ALKAL1: variants seen among roughly 807,000 people sequenced by gnomAD.
ALKAL1 encodes ALK and LTK ligand 1.
In ALKAL1, 23 loss-of-function variants were observed where a neutral mutation model predicts 13.5. The observed-to-expected ratio is 1.70, with a 90% CI of 1.23 to 2.41. The LOEUF (loss-of-function observed/expected upper bound fraction) is 2.41, where lower values mean the gene tolerates loss of function less well. ALKAL1 is among the 30% of genes most tolerant of loss of function. ALKAL1 has a pLI of 0.00. For synonymous variants in ALKAL1, 85 were observed against 77.7 expected (o/e 1.09, Z -0.49); for missense variants, 181 against 178.4 (o/e 1.01, Z -0.08).
chr8:52,550,314 G>A (rs1445806294), intron 1 of ALKAL1, among the ~76,000 whole-genome samples: 1 of 152,094 alleles, frequency 6.6e-6, no homozygotes, highest in Non-Finnish European at 1.5e-5. Flanking sequence ...GCATCTTCTG[G>A]GAGCATGTTA....
chr8:52,562,071 T>C (rs1313126883), intron 1 of ALKAL1, among the ~76,000 whole-genome samples: 1 of 152,132 alleles, frequency 6.6e-6, no homozygotes, highest in East Asian at 1.9e-4. Flanking sequence ...TTCTTTCCTT[T>C]GGCAGGGTTT....
intron 1 of ALKAL1, among the ~76,000 whole-genome samples, chr8:52,549,829 C>G (rs1277361856): frequency 6.6e-6 from 1 of 152,022 alleles, no homozygotes; most frequent in African/African-American, 2.4e-5. Context: ...GCAATCCCAG[C>G]TACTCGAGAG....
In ALKAL1 at chr8:52,565,240, G is replaced by T; in HGVS notation, c.17C>A (p.Pro6His). MRPLK[P>H]GAPLPALFLL... ...GAAGAGTGCGGGCAAAGGGGCGCCG[G>T]GCTTAAGGGGCCGCATGTTCGCAAG... is the stretch of plus-strand genomic sequence containing the variant. The change falls in exon 1 of 5, where the codon CCC becomes CAC. Residue 6 changes from proline to histidine, a missense_variant. By Grantham distance (77) the Pro-to-His change is moderately conservative. Transcript: ENST00000358543. 1 of 1,316,702 alleles carries T rather than the reference G, an allele frequency of 7.6e-7. No individual in the cohort carries two copies. The highest frequency in any genetic ancestry group is 9.7e-7 in the Non-Finnish European group (1 of 1,026,052). 81.6% of individuals were successfully genotyped at this position (1,316,702 alleles called of 1,614,324 possible).
At chr8:52,548,667 C>T (rs1563321591) in intron 1 of ALKAL1, among the ~76,000 whole-genome samples, 1 of 151,230 alleles carries the variant, frequency 6.6e-6, no homozygotes, top group Non-Finnish European at 1.5e-5. Flanking sequence ...TATATAATTA[C>T]AATTATATAA....
chr8:52,547,911 G>A lies in ALKAL1; in HGVS notation c.191-5466C>T, dbSNP rs533446460. On this transcript the variant is annotated intron_variant, in intron 1 of 4. Transcript: ENST00000358543. ...GTTTTCAACAATATTAATTACTAATGAGATACTTTACTTTTTTGCACTAAG... is the reference window on the plus strand; with the variant it reads ...GTTTTCAACAATATTAATTACTAATAAGATACTTTACTTTTTTGCACTAAG... Among the ~76,000 whole-genome samples, 3 of 152,328 alleles carry A rather than the reference G, an allele frequency of 2.0e-5. No individual in the cohort carries two copies. The South Asian group carries it at 6.2e-4, about 32-fold the overall frequency.
At chr8:52,539,942 A>G in intron 2 of ALKAL1, 31 bp from the exon 3 acceptor site, 2 of 1,590,388 alleles carry the variant, frequency 1.3e-6, no homozygotes, top group Non-Finnish European at 1.7e-6. Flanking sequence ...GCTTATTATA[A>G]ACATAGGCAT....
At position 52,545,419 on chromosome 8, in the gene ALKAL1, C is replaced by G. The variant is rs1185813144; in HGVS notation, c.191-2974G>C. On this transcript the variant is annotated intron_variant, in intron 1 of 4. Transcript: ENST00000358543. ...TCACTGAGCCACACTAAATTGTGTA[C>G]TCAGTGGAAGGCTGATCAAAGACTC... is the stretch of plus-strand genomic sequence containing the variant. Among the ~76,000 whole-genome samples the G allele has an allele frequency of 1.2e-3, 176 of 152,254 alleles. 1 individual carries two copies. The highest frequency in any genetic ancestry group is 3.4e-4 in the Non-Finnish European group (23 of 68,038).
chr8:52,557,765 AC>A (rs1847499409), intron 1 of ALKAL1, among the ~76,000 whole-genome samples: 1 of 152,134 alleles, frequency 6.6e-6, no homozygotes, highest in South Asian at 2.1e-4. Flanking sequence ...ACTGCAGATC[AC>A]TTGAGGTCAG....
At chr8:52,550,812 ATCTTAT>A (rs1015248024) in intron 1 of ALKAL1, among the ~76,000 whole-genome samples, 2 of 152,072 alleles carry the variant, frequency 1.3e-5, no homozygotes, top group African/African-American at 4.8e-5. Flanking sequence ...CATGGCCATC[ATCTTAT>A]TAAGACATCA....
At chr8:52,559,006 G>A (rs1477504325) in intron 1 of ALKAL1, among the ~76,000 whole-genome samples, 2 of 152,230 alleles carry the variant, frequency 1.3e-5, no homozygotes, top group African/African-American at 4.8e-5. Context: ...AGGAGCAAGG[G>A]GCAGGGGAGG....
At chr8:52,554,499 G>C (rs1455901862) in intron 1 of ALKAL1, among the ~76,000 whole-genome samples, 1 of 152,148 alleles carries the variant, frequency 6.6e-6, no homozygotes, top group African/African-American at 2.4e-5. Context: ...TCAAAAACTT[G>C]CCTTTACTTT....
At chr8:52,554,872 T>C (rs546320446) in intron 1 of ALKAL1, among the ~76,000 whole-genome samples, 2 of 152,094 alleles carry the variant, frequency 1.3e-5, no homozygotes, top group Non-Finnish European at 2.9e-5. Flanking sequence ...GCAGGCCAAG[T>C]AAGATAAAGG....
At chr8:52,537,312 A>G (rs1038120994) in intron 4 of ALKAL1, among the ~76,000 whole-genome samples, 12 of 152,200 alleles carry the variant, frequency 7.9e-5, no homozygotes, top group Non-Finnish European at 1.5e-4. Flanking sequence ...TGTCAAAAAG[A>G]CAAAAAAATA....
intron 1 of ALKAL1, among the ~76,000 whole-genome samples, chr8:52,547,150 A>C (rs1340144096): frequency 1.3e-5 from 2 of 152,168 alleles, no homozygotes; most frequent in East Asian, 1.9e-4. Context: ...TAGTGACTAG[A>C]TGCACGCAGT....
At position 52,565,285 on chromosome 8, in the gene ALKAL1, G is replaced by A; in HGVS notation, c.-29C>T. ...CGCAAGCCGGGAGGAGAGAGCGGGA[G>A]ACTCCGGGAGGATCCCGACGCAGGT... On this transcript the variant is annotated 5_prime_UTR_variant, in exon 1 of 5. Coordinates refer to ENST00000358543, the MANE Select transcript of ALKAL1 (RefSeq NM_207413.4). 1 of 1,289,070 alleles carries A rather than the reference G, an allele frequency of 7.8e-7. No homozygotes were observed. The highest frequency in any genetic ancestry group is 3.2e-5 in the East Asian group (1 of 31,732). 79.9% of individuals were successfully genotyped at this position (1,289,070 alleles called of 1,614,324 possible). A position where few individuals can be genotyped will look rare whatever the true frequency, so the allele number is the denominator to read the frequency against.
intron 1 of ALKAL1, among the ~76,000 whole-genome samples, chr8:52,551,294 T>A (rs893456763): frequency 4.0e-5 from 6 of 151,802 alleles, no homozygotes; most frequent in African/African-American, 1.5e-4. Flanking sequence ...AAATATTTAT[T>A]TTTATTTTTA....
In ALKAL1 at chr8:52,565,389, C is replaced by T; in HGVS notation, c.-133G>A. The T allele has an allele frequency of 1.6e-6, 1 of 642,592 alleles. No individual in the cohort carries two copies. 39.8% of individuals were successfully genotyped at this position (642,592 alleles called of 1,614,324 possible). On this transcript the variant is annotated 5_prime_UTR_variant, in exon 1 of 5. Transcript: ENST00000358543. Reference sequence around the variant, plus strand: ...GGCCGGCCGCAGTCTTCACCGCGCGCCTGCCCTTGTCTACGTCCCGGGGGT... The same window carrying T: ...GGCCGGCCGCAGTCTTCACCGCGCGTCTGCCCTTGTCTACGTCCCGGGGGT...
At chr8:52,562,844 C>T (rs549779039) in intron 1 of ALKAL1, among the ~76,000 whole-genome samples, 9 of 152,146 alleles carry the variant, frequency 5.9e-5, no homozygotes, top group East Asian at 5.8e-4. Flanking sequence ...CCTGAATGAA[C>T]GATAACCCCT....
At chr8:52,536,368 T>C (rs1847267279) in intron 4 of ALKAL1, among the ~76,000 whole-genome samples, 1 of 152,236 alleles carries the variant, frequency 6.6e-6, no homozygotes, top group Non-Finnish European at 1.5e-5. Flanking sequence ...GAACTACTGA[T>C]TAAAGAAATA....
Sources: gnomAD v4.1 joint callset for allele counts (sites outside exome capture counted in the v4.1 genomes callset) on GRCh38, gnomAD v4.1.1 for gene constraint, MANE v1.5 for transcripts, NCBI Gene and HGNC (gene_info 2026-07-23, HGNC 2026-07-21) for gene names.